Variants in MASP1 observed in about 807,000 individuals in gnomAD.
The protein encoded by MASP1 is MBL associated serine protease 1, also known as mannan-binding lectin serine protease 1.
In MASP1, 59 loss-of-function variants were observed where a neutral mutation model predicts 77.1. The ratio of observed to expected loss-of-function variants is 0.77; its 90% confidence interval spans 0.62 to 0.95. The LOEUF (loss-of-function observed/expected upper bound fraction) is 0.95. Ranked by LOEUF, MASP1 falls within the 40% of genes least tolerant of loss-of-function variation. The probability of loss-of-function intolerance (pLI) is 0.00; values close to 1 mark genes in which losing one functional copy is unlikely to be tolerated. For missense variants in MASP1, 885 were observed against 912.9 expected, an observed-to-expected ratio of 0.97 and a Z score of 0.39; for synonymous variants, 362 against 354.5, an observed-to-expected ratio of 1.02 and a Z score of -0.24.
chr3:187,221,847 C>T (rs945468949), intron 14 of MASP1, among the ~76,000 whole-genome samples: 6 of 152,058 alleles, frequency 3.9e-5, no homozygotes, highest in Non-Finnish European at 7.4e-5. Context: ...GCAGCAAAAT[C>T]GATACATAAA....
chr3:187,223,555 G>C (rs1188843350), intron 13 of MASP1, among the ~76,000 whole-genome samples: 1 of 152,186 alleles, frequency 6.6e-6, no homozygotes, highest in Non-Finnish European at 1.5e-5. Context: ...ATCAAGAACA[G>C]CGAATAAATA....
downstream of MASP1, among the ~76,000 whole-genome samples, chr3:187,232,165 C>G (rs902659401): frequency 6.6e-6 from 1 of 152,040 alleles, no homozygotes; most frequent in Non-Finnish European, 1.5e-5. Flanking sequence ...CTACTTCATC[C>G]CTCTTTACAA....
At chr3:187,241,807 A>G (rs768934334) in intron 9 of MASP1, 2 of 429,588 alleles carry the variant, frequency 4.7e-6, no homozygotes, top group Non-Finnish European at 8.7e-6. Context: ...AAATACCCAC[A>G]GGGCTACCAT....
At chr3:187,278,574 C>T (rs1337763256) in intron 2 of MASP1, among the ~76,000 whole-genome samples, 9 of 152,224 alleles carry the variant, frequency 5.9e-5, no homozygotes, top group Admixed American at 5.9e-4. Context: ...CAGCTGTATT[C>T]AAAACTCAAT....
intron 2 of MASP1, among the ~76,000 whole-genome samples, chr3:187,281,526 A>G (rs698080): frequency 0.76 from 115,932 of 152,196 alleles, 45,597 homozygotes; most frequent in East Asian, 0.89. Context: ...CTTGGTAAAG[A>G]ACAGTGTTGG....
intron 6 of MASP1, among the ~76,000 whole-genome samples, chr3:187,252,857 C>T (rs1714733731): frequency 6.6e-6 from 1 of 152,208 alleles, no homozygotes; most frequent in African/African-American, 2.4e-5. Flanking sequence ...CTCAAGTCTA[C>T]TGAATCACTG....
chr3:187,283,990 A>G (rs955578135), intron 2 of MASP1, among the ~76,000 whole-genome samples: 4 of 152,182 alleles, frequency 2.6e-5, no homozygotes, highest in African/African-American at 9.7e-5. Flanking sequence ...GTTTAGGATG[A>G]TACATACTCA....
rs754743294 is a variant in MASP1 at position 187,250,338 on chromosome 3, A to G, written c.1012-9T>C. 240 of 1,606,728 alleles carry G rather than the reference A, an allele frequency of 1.5e-4. No homozygotes were observed. Among genetic ancestry groups the G allele is most frequent in the Non-Finnish European group, 1.9e-4 (222 of 1,173,370 alleles). On this transcript the variant is annotated splice_polypyrimidine_tract_variant and intron_variant, in intron 7 of 10. Transcript: ENST00000296280. ...TCCATCTCCACATTATCCTGGGAAG[A>G]GACAGGAAGAAGGGAGTGGGAAGAA...
chr3:187,262,760 C>T (rs771325602), intron 2 of MASP1, 40 bp from the exon 3 acceptor site: 1 of 1,581,828 alleles, frequency 6.3e-7, no homozygotes, highest in Non-Finnish European at 8.7e-7. Context: ...TGAGCAGTTT[C>T]CCAGCTAGGC....
chr3:187,281,785 T>C (rs982845749), intron 2 of MASP1, among the ~76,000 whole-genome samples: 1 of 152,170 alleles, frequency 6.6e-6, no homozygotes, highest in Admixed American at 6.5e-5. Flanking sequence ...TCTTGTTCCA[T>C]CCTCTCACTG....
intron 2 of MASP1, among the ~76,000 whole-genome samples, chr3:187,278,251 G>A (rs913523710): frequency 1.3e-5 from 2 of 152,206 alleles, no homozygotes; most frequent in African/African-American, 4.8e-5. Context: ...TGACTCCAAA[G>A]TTTGAGCTCC....
chr3:187,227,715 G>C (rs1191812692), intron 11 of MASP1, among the ~76,000 whole-genome samples: 2 of 152,178 alleles, frequency 1.3e-5, no homozygotes, highest in African/African-American at 4.8e-5. Flanking sequence ...CCATGTCCAG[G>C]ACCAGATTTT....
rs570183115 is a variant in MASP1 at position 187,234,296 on chromosome 3, C to T, written c.*1388G>A. ...TCCCTCTCAGGGGCTTCTCTGGCTG[C>T]CTTGCTCTGATGGAGATTTTCAGGA... On this transcript the variant is annotated 3_prime_UTR_variant, in exon 11 of 11. Coordinates refer to ENST00000296280, the MANE Select transcript of MASP1 (RefSeq NM_139125.4). 1.0e-4 allele frequency: 133 copies of T among 1,287,230 alleles called. 1 individual carries two copies. The African/African-American group carries it at 1.7e-3, about 17-fold the overall frequency. 79.7% of individuals were successfully genotyped at this position (1,287,230 alleles called of 1,614,324 possible).
At chr3:187,243,920 T>TTTA (rs1375228702) in intron 8 of MASP1, 1 of 436,490 alleles carries the variant, frequency 2.3e-6, no homozygotes, top group Non-Finnish European at 4.2e-6. Context: ...ACTCCAGTCT[T>TTTA]TTACCCACCA....
intron 2 of MASP1, among the ~76,000 whole-genome samples, chr3:187,282,844 C>T (rs1438542951): frequency 2.0e-5 from 3 of 152,196 alleles, no homozygotes; most frequent in Admixed American, 6.5e-5. Flanking sequence ...TCTCACCTCC[C>T]GCCGCCACCA....
chr3:187,288,353 C>T (rs927894096), intron 1 of MASP1, among the ~76,000 whole-genome samples: 19 of 152,130 alleles, frequency 1.2e-4, no homozygotes, highest in Non-Finnish European at 2.4e-4. Flanking sequence ...AGGAAATGAA[C>T]CAGTGTTAAC....
Position 187,236,519 on chromosome 3 carries a change from A to G in MASP1, c.1352T>C (p.Ile451Thr), listed in dbSNP as rs200641208. ...RSLPSLVKRI[I>T]GGRNAEPGLF... ...GCCAGGCTCAGCATTTCGGCCCCCA[A>G]TGATCCTCTTGACCAGGCTTGGCAG... Residue 451 changes from isoleucine (I) to threonine (T), a missense_variant, in exon 11 of 11, where the codon ATT becomes ACT. Ile to Thr is a moderately conservative substitution (Grantham distance 89, BLOSUM62 -1). Transcript: ENST00000296280. 1.1e-4 allele frequency: 183 copies of G among 1,613,916 alleles called. 3 individuals carry two copies. In the Admixed American group the frequency reaches 1.3e-3, roughly 11 times the overall value.
chr3:187,237,185 C>T (rs1001768763), intron 10 of MASP1, among the ~76,000 whole-genome samples: 1 of 152,234 alleles, frequency 6.6e-6, no homozygotes, highest in African/African-American at 2.4e-5. Flanking sequence ...CATTTGGTCA[C>T]AATGATCTCC....
rs1188463699 is a variant in MASP1 at position 187,234,135 on chromosome 3, A to G, written c.*1549T>C. The G allele has an allele frequency of 3.9e-6, 5 of 1,286,718 alleles. No individual in the cohort carries two copies. The African/African-American group carries it at 6.1e-5, about 16-fold the overall frequency. 79.7% of individuals were successfully genotyped at this position (1,286,718 alleles called of 1,614,324 possible). A position where few individuals can be genotyped will look rare whatever the true frequency, so the allele number is the denominator to read the frequency against. On this transcript the variant is annotated 3_prime_UTR_variant, in exon 11 of 11. Transcript: ENST00000296280. ...ACTTGAGACCCCTGATGGGAGCAACAATGCAGAGGCCCTTTACAGAATGGT... is the reference window on the plus strand; with the variant it reads ...ACTTGAGACCCCTGATGGGAGCAACGATGCAGAGGCCCTTTACAGAATGGT...
Sources: allele counts gnomAD v4.1 joint callset (sites outside exome capture counted in the v4.1 genomes callset), GRCh38; gene constraint gnomAD v4.1.1; transcripts MANE v1.5; gene names NCBI Gene and HGNC (gene_info 2026-07-23, HGNC 2026-07-21).